KDM6A: variants seen among roughly 807,000 people sequenced by gnomAD.
The protein encoded by KDM6A is lysine demethylase 6A.
A neutral mutation model predicts 117.6 loss-of-function variants in KDM6A; 11 were observed. That is an observed-to-expected ratio of 0.09 (90% CI 0.06 to 0.15). KDM6A has a LOEUF of 0.15. Among genes scored for constraint, KDM6A ranks in the 10% least tolerant of loss-of-function variants. The pLI is 1.00. For synonymous variants in KDM6A, 384 were observed against 396.1 expected (o/e 0.97, Z 0.36); for missense variants, 799 against 1,077.3 (o/e 0.74, Z 3.62).
At chrX:44,990,692 A>G (rs985066022) in intron 4 of KDM6A, among the ~76,000 whole-genome samples, 4 of 111,854 alleles carry the variant, frequency 3.6e-5, no homozygotes, top group African/African-American at 1.3e-4. Flanking sequence ...TTGCTATTAT[A>G]CATGCCATTT....
At chrX:45,010,919 T>G (rs778883674) in intron 4 of KDM6A, 42 bp from the exon 5 acceptor site, 24 of 964,105 alleles carry the variant, frequency 2.5e-5, no homozygotes, top group Non-Finnish European at 1.0e-5. Flanking sequence ...ATATGTTAGA[T>G]ACAAGTATTT....
At chrX:45,003,725 TTGAC>T (rs1481135328) in intron 4 of KDM6A, among the ~76,000 whole-genome samples, 1 of 109,952 alleles carries the variant, frequency 9.1e-6, no homozygotes, top group Non-Finnish European at 1.9e-5. Context: ...CTTTCTCTCT[TTGAC>T]TGTCTCTCTC....
intron 4 of KDM6A, among the ~76,000 whole-genome samples, chrX:45,006,357 AG>A (rs1395527815): frequency 9.1e-6 from 1 of 109,733 alleles, no homozygotes. Flanking sequence ...GTGCTGCAAA[AG>A]AAATAGCACT....
chrX:45,027,977 A>G (rs917165027), intron 6 of KDM6A, among the ~76,000 whole-genome samples: 2 of 109,238 alleles, frequency 1.8e-5, no homozygotes, highest in African/African-American at 6.7e-5. Flanking sequence ...TATTTTTAGT[A>G]GAGATGGGGT....
intron 18 of KDM6A, among the ~76,000 whole-genome samples, chrX:45,076,198 A>T (rs1289522079): frequency 2.7e-5 from 3 of 111,504 alleles, no homozygotes; most frequent in Non-Finnish European, 5.7e-5. Context: ...GTTGCATAGG[A>T]AATTTTTTTC....
chrX:45,023,274 C>T (rs960450714), intron 6 of KDM6A, among the ~76,000 whole-genome samples: 4 of 111,790 alleles, frequency 3.6e-5, no homozygotes, highest in African/African-American at 1.3e-4. Context: ...CATTTCCTTT[C>T]CCTCTGCCCA....
intron 25 of KDM6A, among the ~76,000 whole-genome samples, chrX:45,086,904 A>C (rs778689106): frequency 8.9e-6 from 1 of 112,603 alleles, no homozygotes; most frequent in East Asian, 2.8e-4. Flanking sequence ...CCCCACCCCA[A>C]TTAAAGGGGG....
rs772120803 is a variant in KDM6A at position 45,008,248 on chromosome X, C to T, written c.385-2713C>T. ...AATTAGCTGGGCGTGGTGGCGGGCG[C>T]CTGTAGTCCCAGCTGTTCAGGAGGC... On this transcript the variant is annotated intron_variant, in intron 4 of 29. Transcript: ENST00000611820. Among the ~76,000 whole-genome samples the T allele has an allele frequency of 5.4e-5, 6 of 111,062 alleles. No homozygotes were observed. The East Asian group carries it at 1.7e-3, about 31-fold the overall frequency.
chrX:45,109,747 T>C (rs920307507), intron 28 of KDM6A, among the ~76,000 whole-genome samples: 2 of 111,726 alleles, frequency 1.8e-5, no homozygotes, highest in Non-Finnish European at 3.8e-5. Flanking sequence ...AAATGATCAC[T>C]TATGTCTGAT....
At chrX:44,944,066 T>C (rs1338283742) in intron 2 of KDM6A, among the ~76,000 whole-genome samples, 2 of 111,608 alleles carry the variant, frequency 1.8e-5, no homozygotes, top group East Asian at 2.8e-4. Flanking sequence ...ATTTAGGACA[T>C]GTGGGCCGGG....
chrX:44,988,140 C>T (rs2040351587), intron 4 of KDM6A, among the ~76,000 whole-genome samples: 1 of 111,721 alleles, frequency 9.0e-6, no homozygotes, highest in African/African-American at 3.3e-5. Flanking sequence ...CTTCTCTTCT[C>T]ACTTCATTTC....
At chrX:44,971,913 A>G (rs1000520162) in intron 3 of KDM6A, among the ~76,000 whole-genome samples, 40 of 110,257 alleles carry the variant, frequency 3.6e-4, no homozygotes, top group African/African-American at 1.3e-3. Context: ...GGGCGCCTGG[A>G]TAAGAGCTTA....
intron 2 of KDM6A, among the ~76,000 whole-genome samples, chrX:44,925,580 A>G (rs1277622667): frequency 8.9e-6 from 1 of 112,023 alleles, no homozygotes; most frequent in East Asian, 2.8e-4. Flanking sequence ...AACAATTCGT[A>G]ATTTATCTTT....
chrX:44,920,091 G>A (rs1368429091), intron 2 of KDM6A, among the ~76,000 whole-genome samples: 1 of 112,353 alleles, frequency 8.9e-6, no homozygotes, highest in East Asian at 2.8e-4. Flanking sequence ...GTCTATGTTG[G>A]TGAGTATTTT....
intron 6 of KDM6A, among the ~76,000 whole-genome samples, chrX:45,030,287 T>TCCCCCA: frequency 1.1e-5 from 1 of 90,476 alleles, no homozygotes; most frequent in East Asian, 3.8e-4. Context: ...GTGCGTTTTG[T>TCCCCCA]CCCCCACCCC....
chrX:45,059,350 A>G lies in KDM6A; in HGVS notation c.1078A>G (p.Thr360Ala). 8.3e-7 allele frequency: 1 copy of G among 1,210,203 alleles called. No homozygotes were observed. The highest frequency in any genetic ancestry group is 1.1e-6 in the Non-Finnish European group (1 of 894,548). ...TGCTGCAGCCTGGATGGACCTAGGC[A>G]CTCTCTATGAATCCTGCAACCAGCC... ...GHAAAWMDLGTLYESCNQPQD... is the reference protein window; with the variant it reads ...GHAAAWMDLGALYESCNQPQD... Residue 360 changes from threonine to alanine, a missense_variant, in exon 12 of 30, where the codon ACT becomes GCT. Coordinates refer to ENST00000611820, the MANE Select transcript of KDM6A (RefSeq NM_001291415.2).
intron 4 of KDM6A, among the ~76,000 whole-genome samples, chrX:44,992,181 C>T (rs1356010994): frequency 4.9e-5 from 5 of 101,437 alleles, no homozygotes; most frequent in African/African-American, 1.8e-4. Flanking sequence ...TACCACCTAA[C>T]GAAATTTAGC....
chrX:44,947,611 C>A (rs1307141745), intron 2 of KDM6A, among the ~76,000 whole-genome samples: 1 of 110,621 alleles, frequency 9.0e-6, no homozygotes, highest in African/African-American at 3.3e-5. Flanking sequence ...CTCCTGACCT[C>A]ATGATCTGCC....
intron 8 of KDM6A, among the ~76,000 whole-genome samples, chrX:45,039,561 G>A (rs1420972777): frequency 1.3e-5 from 1 of 79,840 alleles, no homozygotes; most frequent in African/African-American, 4.5e-5. Context: ...CTCGCAGAGG[G>A]GGATTTGGCA....
Sources: gnomAD v4.1 joint callset for allele counts (sites outside exome capture counted in the v4.1 genomes callset) on GRCh38, gnomAD v4.1.1 for gene constraint, MANE v1.5 for transcripts, NCBI Gene and HGNC (gene_info 2026-07-23, HGNC 2026-07-21) for gene names.